CASS4: variants seen among roughly 807,000 people sequenced by gnomAD.
The protein encoded by CASS4 is cas scaffolding protein family member 4.
CASS4 carries 22 observed loss-of-function variants against 54.2 expected under a neutral mutation model. The observed-to-expected ratio is 0.41, with a 90% confidence interval of 0.29 to 0.58. CASS4 has a LOEUF of 0.58. Among genes scored for constraint, CASS4 ranks in the 20% least tolerant of loss-of-function variants. The probability of loss-of-function intolerance (pLI) is 0.36; values close to 1 mark genes in which losing one functional copy is unlikely to be tolerated. For missense variants in CASS4, 854 were observed against 986.7 expected (o/e 0.87, Z 1.80); for synonymous variants, 409 against 391.5 (o/e 1.04, Z -0.53).
At chr20:56,433,299 C>A (rs563296066) in intron 1 of CASS4, among the ~76,000 whole-genome samples, 1 of 152,280 alleles carries the variant, frequency 6.6e-6, no homozygotes, top group Non-Finnish European at 1.5e-5. Flanking sequence ...TGGAATTTCA[C>A]TGGGTGGAAA....
rs374578148 is a variant in CASS4, at chr20:56,436,360, GTA to G, written c.37-792_37-791del. ...TATGTGTGTGTGTGTGTGTGTGTGT[GTA>G]TATATATATATGTATATATATATAT... On this transcript the variant is annotated intron_variant, in intron 1 of 5. Transcript: ENST00000679887. Among the ~76,000 whole-genome samples the G allele has an allele frequency of 4.3e-4, 59 of 137,858 alleles. No homozygotes were observed. In the East Asian group the frequency reaches 4.9e-3, roughly 12 times the overall value. The allele number at this position is 137,858 out of a possible 152,430, so 90.4% of individuals were successfully genotyped here.
intron 5 of CASS4, among the ~76,000 whole-genome samples, chr20:56,455,160 C>T (rs1380682076): frequency 1.3e-5 from 2 of 150,494 alleles, no homozygotes; most frequent in Non-Finnish European, 2.9e-5. Context: ...AAGATGTTAT[C>T]GTTGTGCTTA....
rs1201513707 is a variant in CASS4, at chr20:56,438,985, C to T, written c.459+1399C>T. ...GCATAGTTACCCCAAGGAAGGGGAA[C>T]TGGTTAAAGAGAAAGGGAGCAGTAA... On this transcript the variant is annotated intron_variant, in intron 2 of 5. Coordinates refer to ENST00000679887, the MANE Select transcript of CASS4 (RefSeq NM_020356.4). 2.6e-5 allele frequency among the ~76,000 whole-genome samples: 4 copies of T among 152,206 alleles called. No individual in the cohort carries two copies. In the East Asian group the frequency reaches 5.8e-4, roughly 22 times the overall value.
In CASS4 at chr20:56,419,004, G is replaced by A. The variant is rs148955140; in HGVS notation, c.36+6510G>A. 4.4e-3 allele frequency among the ~76,000 whole-genome samples: 672 copies of A among 152,166 alleles called. 3 individuals are homozygous for A. The highest frequency in any genetic ancestry group is 5.9e-3 in the Non-Finnish European group (403 of 67,990). ...TTTATTTCCTATAGAGCACACTTGG[G>A]GGGAAAAAAAGCTAAGGAGAATGCC... is the stretch of plus-strand genomic sequence containing the variant. On this transcript the variant is annotated intron_variant, in intron 1 of 5. Coordinates refer to ENST00000679887, the MANE Select transcript of CASS4 (RefSeq NM_020356.4).
At position 56,458,817 on chromosome 20, in the gene CASS4, C is replaced by T. The variant is rs1276474068; in HGVS notation, c.*70C>T. Reference sequence around the variant, plus strand: ...CACCCACAACTTGTGCAACTCTGCCCTATGGGAAAAGCCAGCCGGGGCATA... The same window carrying T: ...CACCCACAACTTGTGCAACTCTGCCTTATGGGAAAAGCCAGCCGGGGCATA... On this transcript the variant is annotated 3_prime_UTR_variant, in exon 6 of 6. Transcript: ENST00000679887. The T allele has an allele frequency of 8.4e-6, 12 of 1,436,378 alleles. No individual in the cohort carries two copies. Among genetic ancestry groups the T allele is most frequent in the Non-Finnish European group, 1.1e-5 (12 of 1,074,000 alleles). The allele number at this position is 1,436,378 out of a possible 1,614,324, so 89.0% of individuals were successfully genotyped here.
chr20:56,419,842 A>G (rs965345129), intron 1 of CASS4, among the ~76,000 whole-genome samples: 2 of 152,270 alleles, frequency 1.3e-5, no homozygotes, highest in East Asian at 1.9e-4. Context: ...CGGGAGTTCA[A>G]TACCAGCCTG....
At chr20:56,458,235 T>TA (rs1199783423) in intron 5 of CASS4, 105 bp from the exon 6 acceptor site, 52 of 1,158,328 alleles carry the variant, frequency 4.5e-5, no homozygotes, top group Middle Eastern at 2.0e-4. Flanking sequence ...CATGCTTTTT[T>TA]AAAAAAAATA....
chr20:56,435,434 A>T (rs1441868938), intron 1 of CASS4, among the ~76,000 whole-genome samples: 1 of 152,216 alleles, frequency 6.6e-6, no homozygotes, highest in Non-Finnish European at 1.5e-5. Context: ...TGGTGGGATT[A>T]TGGGTAATTT....
Position 56,412,447 on chromosome 20 carries a change from C to T in CASS4, c.-12C>T. On this transcript the variant is annotated 5_prime_UTR_variant, in exon 1 of 6. Coordinates refer to ENST00000679887, the MANE Select transcript of CASS4 (RefSeq NM_020356.4). The surrounding 1 kb of genome is among the most constrained non-coding windows in gnomAD (Gnocchi z 4.2). ...GCTGCAGAGCTCAGGGGAGCTGCTC[C>T]ACATCACCGACATGAAGGGAACAGG... The T allele has an allele frequency of 6.2e-7, 1 of 1,612,132 alleles. No individual in the cohort carries two copies. Among genetic ancestry groups the T allele is most frequent in the Non-Finnish European group, 8.5e-7 (1 of 1,179,132 alleles).
intron 2 of CASS4, among the ~76,000 whole-genome samples, chr20:56,442,305 A>G (rs1980498596): frequency 6.6e-6 from 1 of 151,778 alleles, no homozygotes; most frequent in African/African-American, 2.4e-5. Context: ...AGATTAGAAC[A>G]ACTCTTCATT....
chr20:56,453,434 G>C (rs1981138859), intron 5 of CASS4: 2 of 219,626 alleles, frequency 9.1e-6, no homozygotes, highest in East Asian at 2.3e-4. Flanking sequence ...TTTATTATTT[G>C]AGTAGATTTT....
intron 1 of CASS4, among the ~76,000 whole-genome samples, chr20:56,421,552 T>C (rs1979411893): frequency 6.6e-6 from 1 of 151,998 alleles, no homozygotes; most frequent in Non-Finnish European, 1.5e-5. Flanking sequence ...TAAAAGTAGC[T>C]GGGTTTGGTG....
At position 56,459,514 on chromosome 20, in the gene CASS4, G is replaced by T. The variant is rs1981500361; in HGVS notation, c.*767G>T. On this transcript the variant is annotated 3_prime_UTR_variant, in exon 6 of 6. Coordinates refer to ENST00000679887, the MANE Select transcript of CASS4 (RefSeq NM_020356.4). ...CCAGTTTTCATCTGAATCCACTGGGGAGTGGGGCGATTTTGTTTTAATTTC... is the reference window on the plus strand; with the variant it reads ...CCAGTTTTCATCTGAATCCACTGGGTAGTGGGGCGATTTTGTTTTAATTTC... 2 of 252,514 alleles carry T rather than the reference G, an allele frequency of 7.9e-6. No individual in the cohort carries two copies. The highest frequency in any genetic ancestry group is 4.3e-5 in the Admixed American group (1 of 23,502). The allele number at this position is 252,514 out of a possible 1,614,324, so 15.6% of individuals were successfully genotyped here. A position where few individuals can be genotyped will look rare whatever the true frequency, so the allele number is the denominator to read the frequency against.
At chr20:56,424,530 C>T (rs548496717) in intron 1 of CASS4, among the ~76,000 whole-genome samples, 1 of 152,088 alleles carries the variant, frequency 6.6e-6, no homozygotes, top group South Asian at 2.1e-4. Context: ...CATCTGAGGT[C>T]AGGAGTTCGA....
At chr20:56,457,363 A>G (rs933538409) in intron 5 of CASS4, among the ~76,000 whole-genome samples, 1 of 152,138 alleles carries the variant, frequency 6.6e-6, no homozygotes, top group African/African-American at 2.4e-5. Context: ...CTCTTCTCTG[A>G]GCTTCACCTT....
At chr20:56,425,190 G>A (rs1466564768) in intron 1 of CASS4, among the ~76,000 whole-genome samples, 1 of 152,338 alleles carries the variant, frequency 6.6e-6, no homozygotes, top group East Asian at 1.9e-4. Flanking sequence ...ATAGCAGGAA[G>A]GGCAGCGAGC....
Position 56,458,845 on chromosome 20 carries a change from C to T in CASS4, c.*98C>T. ...TGGGAAAAGCCAGCCGGGGCATACA[C>T]CAATGAGCTGAAACAGACCTGGTGC... On this transcript the variant is annotated 3_prime_UTR_variant, in exon 6 of 6. Coordinates refer to ENST00000679887, the MANE Select transcript of CASS4 (RefSeq NM_020356.4). The T allele has an allele frequency of 8.0e-7, 1 of 1,253,816 alleles. No homozygotes were observed. Among genetic ancestry groups the T allele is most frequent in the East Asian group, 2.6e-5 (1 of 38,858 alleles). The allele number at this position is 1,253,816 out of a possible 1,614,324, so 77.7% of individuals were successfully genotyped here.
chr20:56,458,649 G>C lies in CASS4; in HGVS notation c.2263G>C (p.Val755Leu). The C allele has an allele frequency of 6.2e-7, 1 of 1,613,682 alleles. No individual in the cohort carries two copies. The highest frequency in any genetic ancestry group is 8.5e-7 in the Non-Finnish European group (1 of 1,179,922). The change falls in exon 6 of 6, where the codon GTG becomes CTG. Residue 755 changes from valine to leucine, a missense_variant. Coordinates refer to ENST00000679887, the MANE Select transcript of CASS4 (RefSeq NM_020356.4). ...CGTAGCGCTGGCCACTAAGAATGCC[G>C]TGCTCACGTACCCCAGCCCTGCCGC... The part of the protein sequence containing the change: ...KDVALATKNA[V>L]LTYPSPAALG...
intron 1 of CASS4, among the ~76,000 whole-genome samples, chr20:56,421,155 C>T (rs151250486): frequency 7.9e-5 from 12 of 152,278 alleles, no homozygotes; most frequent in African/African-American, 2.9e-4. Flanking sequence ...AATGGAAGTG[C>T]CCTGACTGCA....
Sources: allele counts gnomAD v4.1 joint callset (sites outside exome capture counted in the v4.1 genomes callset), GRCh38; gene constraint gnomAD v4.1.1; non-coding constraint Gnocchi (gnomAD v3.1); transcripts MANE v1.5; gene names NCBI Gene and HGNC (gene_info 2026-07-23, HGNC 2026-07-21).